Variants in LTBP1 observed in about 807,000 individuals in gnomAD.
The protein encoded by LTBP1 is latent-transforming growth factor beta-binding protein 1.
LTBP1 carries 129 observed loss-of-function variants against 207.6 expected under a neutral mutation model. The observed-to-expected ratio is 0.62, with a 90% CI of 0.54 to 0.72. The LOEUF is 0.72. Ranked by LOEUF, LTBP1 falls within the 30% of genes least tolerant of loss-of-function variation. LTBP1 has a pLI of 0.00. For synonymous variants in LTBP1, 963 were observed against 833.7 expected, an observed-to-expected ratio of 1.16 and a Z score of -2.67; for missense variants, 2,281 against 2,217.2, an observed-to-expected ratio of 1.03 and a Z score of -0.58.
chr2:33,293,350 C>A, intron 20 of LTBP1, 68 bp downstream of exon 20: 1 of 1,474,198 alleles, frequency 6.8e-7, no homozygotes, highest in Non-Finnish European at 9.1e-7. Flanking sequence ...GAGCAATTAG[C>A]CTTAGAAAAG....
At chr2:32,974,648 G>C (rs1287578914) in intron 2 of LTBP1, among the ~76,000 whole-genome samples, 1 of 152,026 alleles carries the variant, frequency 6.6e-6, no homozygotes, top group Non-Finnish European at 1.5e-5. Context: ...TGTCTTTTCT[G>C]ATTGTTGTTG....
intron 2 of LTBP1, among the ~76,000 whole-genome samples, chr2:32,965,855 C>T (rs1679923843): frequency 6.6e-6 from 1 of 152,144 alleles, no homozygotes; most frequent in Non-Finnish European, 1.5e-5. Context: ...GAGTGTGATT[C>T]CTGAACTGTA....
intron 3 of LTBP1, among the ~76,000 whole-genome samples, chr2:33,044,953 G>A (rs185489855): frequency 4.3e-4 from 66 of 151,984 alleles, no homozygotes; most frequent in African/African-American, 1.6e-3. Flanking sequence ...CTTTTTGATG[G>A]GGTTGTTTGG....
chr2:33,255,364 A>G (rs2092821354), intron 11 of LTBP1, among the ~76,000 whole-genome samples: 1 of 151,892 alleles, frequency 6.6e-6, no homozygotes, highest in African/African-American at 2.4e-5. Flanking sequence ...AGAAATAGGA[A>G]CACTCTTACA....
intron 3 of LTBP1, among the ~76,000 whole-genome samples, chr2:33,077,049 T>C (rs543690): frequency 0.76 from 116,285 of 152,138 alleles, 46,274 homozygotes; most frequent in East Asian, 0.98. Context: ...AGAGGTGATA[T>C]TGCTGTTTTA....
At chr2:33,208,392 A>G (rs1160929681) in intron 7 of LTBP1, among the ~76,000 whole-genome samples, 5 of 152,226 alleles carry the variant, frequency 3.3e-5, no homozygotes, top group Admixed American at 3.3e-4. Context: ...AATATAATCT[A>G]GAATCGAGCC....
intron 19 of LTBP1, among the ~76,000 whole-genome samples, chr2:33,285,035 CTTTTTTTTT>C (rs934497674): frequency 8.3e-5 from 10 of 120,134 alleles, no homozygotes; most frequent in African/African-American, 3.2e-4. Context: ...GTATCACATT[CTTTTTTTTT>C]TTTTTTTTTT....
At chr2:33,314,546 T>C (rs11889957) in intron 23 of LTBP1, among the ~76,000 whole-genome samples, 1,568 of 152,324 alleles carry the variant, frequency 0.01, 20 homozygotes, top group African/African-American at 0.036. Flanking sequence ...AGACCCTGTC[T>C]CTAAAATAAC....
rs1290200887 is a variant in LTBP1, at chr2:33,342,940, C to T, written c.3833C>T (p.Pro1278Leu). ...RCLCYQGFQAPQDGQGCVDVN... is the reference protein window; with the variant it reads ...RCLCYQGFQALQDGQGCVDVN... ...CTCTGTTATCAGGGCTTTCAAGCCC[C>T]ACAGGATGGGCAAGGGTGTGTGGGT... Residue 1278 changes from proline to leucine, a missense_variant, in exon 25 of 34, where the codon CCA becomes CTA. Physicochemically the swap from Pro to Leu is moderately conservative, Grantham distance 98. Coordinates refer to ENST00000404816, the MANE Select transcript of LTBP1 (RefSeq NM_206943.4). 6.2e-7 allele frequency: 1 copy of T among 1,613,900 alleles called. No individual in the cohort carries two copies. The highest frequency in any genetic ancestry group is 1.7e-5 in the Admixed American group (1 of 60,020).
At position 33,050,737 on chromosome 2, in the gene LTBP1, C is replaced by CTT. The variant is rs566264169; in HGVS notation, c.863+29544_863+29545dup. 4.6e-3 allele frequency among the ~76,000 whole-genome samples: 659 copies of CTT among 143,392 alleles called. 5 individuals are homozygous for CTT. Among genetic ancestry groups the CTT allele is most frequent in the African/African-American group, 0.013 (507 of 39,280 alleles). 94.1% of individuals were successfully genotyped at this position (143,392 alleles called of 152,430 possible). A position where few individuals can be genotyped will look rare whatever the true frequency, so the allele number is the denominator to read the frequency against. On this transcript the variant is annotated intron_variant, in intron 3 of 33. Coordinates refer to ENST00000404816, the MANE Select transcript of LTBP1 (RefSeq NM_206943.4). Reference sequence around the variant, plus strand: ...GATCCTGGCAAATTATTGAAACTCTCTTTTTTTTTTTTTTGAGACCGAGTC... The same window carrying CTT: ...GATCCTGGCAAATTATTGAAACTCTCTTTTTTTTTTTTTTTTGAGACCGAGTC...
At chr2:33,001,825 A>G (rs1216986083) in intron 2 of LTBP1, among the ~76,000 whole-genome samples, 1 of 135,384 alleles carries the variant, frequency 7.4e-6, no homozygotes, top group Non-Finnish European at 1.6e-5. Flanking sequence ...ATTGCTGAAC[A>G]TTGGTTACCA....
chr2:33,128,721 T>G (rs867413681), intron 4 of LTBP1, among the ~76,000 whole-genome samples: 3 of 152,176 alleles, frequency 2.0e-5, no homozygotes, highest in South Asian at 4.1e-4. Context: ...GCTCCCATGA[T>G]TGTCAGGATT....
chr2:33,202,648 A>G (rs898216843), intron 7 of LTBP1, among the ~76,000 whole-genome samples: 3 of 152,252 alleles, frequency 2.0e-5, no homozygotes. Flanking sequence ...TTAGAAGTCT[A>G]AAGAAAAAAA....
intron 5 of LTBP1, among the ~76,000 whole-genome samples, chr2:33,142,687 T>C (rs183825675): frequency 1.8e-4 from 28 of 152,210 alleles, no homozygotes; most frequent in African/African-American, 6.7e-4. Flanking sequence ...CATATGTCTG[T>C]AGCCAGGACA....
At chr2:33,378,183 A>G (rs990476218) in intron 31 of LTBP1, among the ~76,000 whole-genome samples, 193 of 136,424 alleles carry the variant, frequency 1.4e-3, no homozygotes, top group Middle Eastern at 7.5e-3. Context: ...ATATATATAT[A>G]TATGTGTGTG....
At chr2:33,278,942 C>G (rs1307576102) in intron 18 of LTBP1, among the ~76,000 whole-genome samples, 2 of 152,164 alleles carry the variant, frequency 1.3e-5, no homozygotes, top group Non-Finnish European at 2.9e-5. Flanking sequence ...CTTTAAGTAT[C>G]TTTTCACATG....
At chr2:33,263,092 G>T (rs568113053) in intron 14 of LTBP1, among the ~76,000 whole-genome samples, 18 of 151,948 alleles carry the variant, frequency 1.2e-4, no homozygotes, top group African/African-American at 4.1e-4. Context: ...TTTGATGAAC[G>T]ATCATTTTTC....
chr2:33,056,023 C>G (rs1055949420), intron 3 of LTBP1, among the ~76,000 whole-genome samples: 1 of 152,118 alleles, frequency 6.6e-6, no homozygotes, highest in African/African-American at 2.4e-5. Flanking sequence ...TGTATTCTCC[C>G]TCAATGAAAA....
chr2:33,338,508 A>G (rs9678322), intron 24 of LTBP1, among the ~76,000 whole-genome samples: 86,359 of 152,062 alleles, frequency 0.57, 25,806 homozygotes, highest in African/African-American at 0.76. Flanking sequence ...TAAGTTGCTG[A>G]TGAGGTTAAG....
Sources: allele counts gnomAD v4.1 joint callset (sites outside exome capture counted in the v4.1 genomes callset), GRCh38; gene constraint gnomAD v4.1.1; transcripts MANE v1.5; gene names NCBI Gene and HGNC (gene_info 2026-07-23, HGNC 2026-07-21).